The following GOLIM4 variants were observed in gnomAD, a reference collection of about 807,000 sequenced individuals.
The protein encoded by GOLIM4 is 130 kDa golgi-localized phosphoprotein.
In GOLIM4, 71 loss-of-function variants were observed where a neutral mutation model predicts 107.4. The observed-to-expected ratio is 0.66, with a 90% confidence interval of 0.55 to 0.81. The LOEUF (loss-of-function observed/expected upper bound fraction) is 0.81. GOLIM4 is among the 30% of genes least tolerant of loss of function. GOLIM4 has a pLI of 0.00. For synonymous variants in GOLIM4, 327 were observed against 294.8 expected (o/e 1.11, Z -1.12); for missense variants, 830 against 826.1 (o/e 1.00, Z -0.06).
Position 168,013,070 on chromosome 3 carries a change from C to T in GOLIM4, c.1861-2247G>A, listed in dbSNP as rs938827804. ...ACTTTAAATGTAAATGGACTAAATGCTCCAATTAAAAGACACAGACTGGCA... is the reference window on the plus strand; with the variant it reads ...ACTTTAAATGTAAATGGACTAAATGTTCCAATTAAAAGACACAGACTGGCA... On this transcript the variant is annotated intron_variant, in intron 14 of 15. Transcript: ENST00000470487. 6.6e-5 allele frequency among the ~76,000 whole-genome samples: 10 copies of T among 150,830 alleles called. No individual in the cohort carries two copies. The South Asian group carries it at 1.0e-3, about 16-fold the overall frequency.
intron 14 of GOLIM4, among the ~76,000 whole-genome samples, chr3:168,018,690 T>C (rs76602003): frequency 0.031 from 4,702 of 152,254 alleles, 209 homozygotes; most frequent in African/African-American, 0.1. Flanking sequence ...TTCAGGCCTA[T>C]CTTAAGGTCT....
At chr3:168,033,498 G>A (rs915129547) in intron 8 of GOLIM4, among the ~76,000 whole-genome samples, 4 of 148,896 alleles carry the variant, frequency 2.7e-5, no homozygotes, top group Admixed American at 6.7e-5. Flanking sequence ...TCCCAGCTAC[G>A]CGGGAGGCTG....
chr3:168,041,252 A>G (rs1211816657), intron 6 of GOLIM4, 140 bp downstream of exon 6: 1 of 578,108 alleles, frequency 1.7e-6, no homozygotes, highest in East Asian at 2.8e-5. Context: ...TAAAAATATT[A>G]GGTACACTCT....
At chr3:168,082,812 G>A (rs1160839687) in intron 1 of GOLIM4, among the ~76,000 whole-genome samples, 1 of 151,724 alleles carries the variant, frequency 6.6e-6, no homozygotes, top group Admixed American at 6.6e-5. Flanking sequence ...CACAGCAATG[G>A]GGCAGGAAGA....
intron 4 of GOLIM4, among the ~76,000 whole-genome samples, chr3:168,043,966 G>A (rs192156705): frequency 6.6e-6 from 1 of 152,176 alleles, no homozygotes; most frequent in African/African-American, 2.4e-5. Context: ...CAGTTTAAAA[G>A]AGAGAGAGTA....
At chr3:168,039,312 G>A (rs150797662) in intron 7 of GOLIM4, among the ~76,000 whole-genome samples, 4 of 150,586 alleles carry the variant, frequency 2.7e-5, no homozygotes, top group African/African-American at 9.8e-5. Context: ...ACCCAGGCTG[G>A]AGTGCAGTGG....
At chr3:168,019,973 G>T (rs10936552) in intron 14 of GOLIM4, among the ~76,000 whole-genome samples, 1 of 151,840 alleles carries the variant, frequency 6.6e-6, no homozygotes, top group Non-Finnish European at 1.5e-5. Context: ...TGGTCACTTT[G>T]TATTTCCATT....
At chr3:168,040,248 C>A (rs1318970296) in intron 7 of GOLIM4, among the ~76,000 whole-genome samples, 1 of 152,202 alleles carries the variant, frequency 6.6e-6, no homozygotes, top group African/African-American at 2.4e-5. Context: ...GTGCCAGGAG[C>A]TGTTCTAGGT....
intron 12 of GOLIM4, 116 bp downstream of exon 12, chr3:168,027,611 TG>T: frequency 4.3e-6 from 3 of 700,644 alleles, no homozygotes; most frequent in Admixed American, 2.3e-5. Context: ...ATTTTCCTTC[TG>T]GGCTGAGGAT....
Position 168,024,919 on chromosome 3 carries a change from T to A in GOLIM4, c.1791+9A>T. The A allele has an allele frequency of 1.9e-6, 3 of 1,611,202 alleles. No individual in the cohort carries two copies. The highest frequency in any genetic ancestry group is 2.5e-6 in the Non-Finnish European group (3 of 1,177,628). Reference sequence around the variant, plus strand: ...GTTAAATCCACCCTTCCTCGTGGCATCTGCTTACCACCAAATGTTCCTCCA... The same window carrying A: ...GTTAAATCCACCCTTCCTCGTGGCAACTGCTTACCACCAAATGTTCCTCCA... On this transcript the variant is annotated intron_variant, in intron 13 of 15. Coordinates refer to ENST00000470487, the MANE Select transcript of GOLIM4 (RefSeq NM_014498.5).
At chr3:168,065,825 G>C (rs1436987224) in intron 1 of GOLIM4, among the ~76,000 whole-genome samples, 1 of 152,174 alleles carries the variant, frequency 6.6e-6, no homozygotes, top group African/African-American at 2.4e-5. Context: ...ACTGGCCAGA[G>C]GCAAGGGGTC....
intron 1 of GOLIM4, among the ~76,000 whole-genome samples, chr3:168,050,462 GTCT>G (rs968721226): frequency 2.6e-5 from 4 of 152,110 alleles, no homozygotes; most frequent in African/African-American, 9.7e-5. Flanking sequence ...TGCACTCACA[GTCT>G]TTGAGAATTT....
At chr3:168,055,257 C>A (rs181286493) in intron 1 of GOLIM4, among the ~76,000 whole-genome samples, 1 of 152,176 alleles carries the variant, frequency 6.6e-6, no homozygotes. Flanking sequence ...TTTGGAACTC[C>A]CTAGAGACTT....
chr3:168,060,631 G>A (rs1560096999), intron 1 of GOLIM4, among the ~76,000 whole-genome samples: 2 of 152,122 alleles, frequency 1.3e-5, no homozygotes, highest in Non-Finnish European at 2.9e-5. Flanking sequence ...GGGAATGTGT[G>A]GGAACAATGA....
chr3:168,054,633 A>T (rs559732250), intron 1 of GOLIM4, among the ~76,000 whole-genome samples: 59 of 151,776 alleles, frequency 3.9e-4, no homozygotes, highest in African/African-American at 1.4e-3. Context: ...ATTAATTATA[A>T]AATAATAATT....
At chr3:168,041,934 C>A (rs1719029717) in intron 5 of GOLIM4, among the ~76,000 whole-genome samples, 1 of 151,988 alleles carries the variant, frequency 6.6e-6, no homozygotes, top group Non-Finnish European at 1.5e-5. Flanking sequence ...AGACCCTTAA[C>A]CCTTTGTAGT....
chr3:168,073,554 G>T (rs1371786511), intron 1 of GOLIM4, among the ~76,000 whole-genome samples: 1 of 152,116 alleles, frequency 6.6e-6, no homozygotes, highest in African/African-American at 2.4e-5. Flanking sequence ...ACCAGTTTTT[G>T]TATTAAAGGT....
At chr3:168,043,335 A>T in intron 5 of GOLIM4, 44 bp downstream of exon 5, 1 of 1,358,252 alleles carries the variant, frequency 7.4e-7, no homozygotes, top group Non-Finnish European at 1.0e-6. Flanking sequence ...CATTAATATC[A>T]GTACTTATTT....
At chr3:168,063,911 T>C (rs1340960072) in intron 1 of GOLIM4, among the ~76,000 whole-genome samples, 1 of 152,162 alleles carries the variant, frequency 6.6e-6, no homozygotes, top group Non-Finnish European at 1.5e-5. Context: ...GCATAGTATT[T>C]ATGGGACTGT....
Sources: allele counts gnomAD v4.1 joint callset (sites outside exome capture counted in the v4.1 genomes callset), GRCh38; gene constraint gnomAD v4.1.1; transcripts MANE v1.5; gene names NCBI Gene and HGNC (gene_info 2026-07-23, HGNC 2026-07-21).